Variants in NTRK2 observed in about 807,000 individuals in gnomAD.
NTRK2 encodes neurotrophic receptor tyrosine kinase 2.
NTRK2 carries 13 observed loss-of-function variants against 94.5 expected under a neutral mutation model. That is an observed-to-expected ratio of 0.14 (90% CI 0.09 to 0.22). The LOEUF (loss-of-function observed/expected upper bound fraction) is 0.22. Ranked by LOEUF, NTRK2 falls within the 10% of genes least tolerant of loss-of-function variation. NTRK2 has a pLI of 1.00. For missense variants in NTRK2, 639 were observed against 1,071.2 expected (o/e 0.60, Z 5.63); for synonymous variants, 372 against 407.4 (o/e 0.91, Z 1.05).
chr9:84,885,816 G>A (rs890961235), intron 14 of NTRK2, among the ~76,000 whole-genome samples: 7 of 152,058 alleles, frequency 4.6e-5, no homozygotes, highest in Non-Finnish European at 7.4e-5. Flanking sequence ...TTATGAGGTC[G>A]AGGTCAGGAG....
At position 84,992,292 on chromosome 9, in the gene NTRK2, A is replaced by G. The variant is rs151290849; in HGVS notation, c.2173-27914A>G. ...CAGATGTGACTACTTACATGGCCCAATGGAATCTGTTCTCCCCAGAAAATC... is the reference window on the plus strand; with the variant it reads ...CAGATGTGACTACTTACATGGCCCAGTGGAATCTGTTCTCCCCAGAAAATC... On this transcript the variant is annotated intron_variant, in intron 17 of 18. Coordinates refer to ENST00000277120, the MANE Select transcript of NTRK2 (RefSeq NM_006180.6). 2.9e-3 allele frequency among the ~76,000 whole-genome samples: 448 copies of G among 152,074 alleles called. 2 individuals carry two copies. Among genetic ancestry groups the G allele is most frequent in the African/African-American group, 9.6e-3 (400 of 41,472 alleles).
chr9:84,932,943 G>A (rs2078089073), intron 14 of NTRK2, among the ~76,000 whole-genome samples: 1 of 152,192 alleles, frequency 6.6e-6, no homozygotes, highest in South Asian at 2.1e-4. Context: ...ACTTTGTGAA[G>A]TAGAAGAAAA....
At chr9:84,813,026 A>G (rs1276088749) in intron 12 of NTRK2, 1 of 1,036,144 alleles carries the variant, frequency 9.7e-7, no homozygotes, top group South Asian at 4.6e-5. Context: ...ACCCCTTTTC[A>G]TCATTTTGCT....
rs1009355465 is a variant in NTRK2 at position 85,021,812 on chromosome 9, T to C, written c.*375T>C. On this transcript the variant is annotated 3_prime_UTR_variant, in exon 19 of 19. Coordinates refer to ENST00000277120, the MANE Select transcript of NTRK2 (RefSeq NM_006180.6). The stretch of plus-strand genomic sequence containing the variant: ...AGACAAAGGCCTTAACAAACGTAAT[T>C]TGTTATATCAGCAGACACTCCAGTT... 3.1e-6 allele frequency: 1 copy of C among 319,980 alleles called. No homozygotes were observed. Among genetic ancestry groups the C allele is most frequent in the Non-Finnish European group, 5.8e-6 (1 of 171,394 alleles). The allele number at this position is 319,980 out of a possible 1,614,324, so 19.8% of individuals were successfully genotyped here. A position where few individuals can be genotyped will look rare whatever the true frequency, so the allele number is the denominator to read the frequency against.
chr9:84,939,874 G>A (rs2078346142), intron 15 of NTRK2, among the ~76,000 whole-genome samples: 1 of 151,776 alleles, frequency 6.6e-6, no homozygotes, highest in South Asian at 2.1e-4. Context: ...CCTCTGTATT[G>A]GCTTAATTCT....
At chr9:84,767,245 A>G (rs866393970) in intron 12 of NTRK2, among the ~76,000 whole-genome samples, 2 of 152,338 alleles carry the variant, frequency 1.3e-5, no homozygotes, top group South Asian at 4.1e-4. Flanking sequence ...ATGACACTGA[A>G]AACTCAGCTG....
At chr9:85,001,077 A>G (rs1402183046) in intron 17 of NTRK2, among the ~76,000 whole-genome samples, 2 of 152,168 alleles carry the variant, frequency 1.3e-5, no homozygotes, top group East Asian at 3.8e-4. Context: ...TTATGAAACA[A>G]TTGAGTCTAG....
intron 2 of NTRK2, among the ~76,000 whole-genome samples, chr9:84,700,403 A>T (rs73482758): frequency 1.0e-3 from 158 of 152,248 alleles, no homozygotes; most frequent in African/African-American, 3.8e-3. Context: ...GTGTGGTGGG[A>T]GGAGAGAAGG....
chr9:84,808,733 C>G (rs2133511787), intron 12 of NTRK2, among the ~76,000 whole-genome samples: 1 of 152,276 alleles, frequency 6.6e-6, no homozygotes, highest in East Asian at 1.9e-4. Flanking sequence ...GTGATTAAAT[C>G]CATAAATGAT....
intron 12 of NTRK2, among the ~76,000 whole-genome samples, chr9:84,790,910 C>T (rs2133200613): frequency 6.6e-6 from 1 of 152,300 alleles, no homozygotes; most frequent in African/African-American, 2.4e-5. Context: ...AATGTGTTTC[C>T]TCTTCAATTA....
At chr9:84,960,443 A>G (rs1039233719) in intron 17 of NTRK2, among the ~76,000 whole-genome samples, 1 of 152,242 alleles carries the variant, frequency 6.6e-6, no homozygotes, top group Non-Finnish European at 1.5e-5. Flanking sequence ...AGAGTTAACC[A>G]TCATTCCTTG....
intron 12 of NTRK2, among the ~76,000 whole-genome samples, chr9:84,834,993 C>G (rs1425204650): frequency 1.3e-5 from 2 of 152,164 alleles, no homozygotes; most frequent in African/African-American, 4.8e-5. Flanking sequence ...AATTTACATT[C>G]CTGGTAGTGG....
chr9:84,931,296 A>G lies in NTRK2; in HGVS notation c.1634-2866A>G, dbSNP rs575750642. On this transcript the variant is annotated intron_variant, in intron 14 of 18. Coordinates refer to ENST00000277120, the MANE Select transcript of NTRK2 (RefSeq NM_006180.6). Reference sequence around the variant, plus strand: ...GTGGCACACACCTGTAGTCTCAGCTACTCAGGAGGCTGAGGCAGAAGAATT... The same window carrying G: ...GTGGCACACACCTGTAGTCTCAGCTGCTCAGGAGGCTGAGGCAGAAGAATT... Among the ~76,000 whole-genome samples the G allele has an allele frequency of 1.3e-4, 20 of 152,134 alleles. No individual in the cohort carries two copies. The East Asian group carries it at 3.7e-3, about 28-fold the overall frequency.
intron 15 of NTRK2, among the ~76,000 whole-genome samples, chr9:84,938,549 A>G (rs1445787577): frequency 1.3e-5 from 2 of 152,068 alleles, no homozygotes; most frequent in East Asian, 3.8e-4. Flanking sequence ...AAAATTATAT[A>G]TATATATTTC....
intron 12 of NTRK2, among the ~76,000 whole-genome samples, chr9:84,786,464 T>G (rs1439667910): frequency 6.6e-6 from 1 of 152,212 alleles, no homozygotes; most frequent in Non-Finnish European, 1.5e-5. Flanking sequence ...TTTATTTTAA[T>G]TATTCATTTC....
At chr9:84,843,302 C>T (rs571194357) in intron 12 of NTRK2, among the ~76,000 whole-genome samples, 1 of 152,242 alleles carries the variant, frequency 6.6e-6, no homozygotes, top group East Asian at 1.9e-4. Context: ...AGGCATGCGA[C>T]CTGTGTTTCT....
intron 12 of NTRK2, among the ~76,000 whole-genome samples, chr9:84,841,510 G>A (rs1394115683): frequency 6.6e-6 from 1 of 152,092 alleles, no homozygotes; most frequent in Non-Finnish European, 1.5e-5. Flanking sequence ...GGCCACATTG[G>A]CCAGAGTGCA....
Position 85,024,344 on chromosome 9 carries a change from T to C in NTRK2, c.*2907T>C. On this transcript the variant is annotated 3_prime_UTR_variant, in exon 19 of 19. Transcript: ENST00000277120. ...TCACCAAATACGGCCTTCCATCAAA[T>C]TTGTGAAAACTACAACAGTATAACA... 1 of 233,002 alleles carries C rather than the reference T, an allele frequency of 4.3e-6. No individual in the cohort carries two copies. Among genetic ancestry groups the C allele is most frequent in the African/African-American group, 2.2e-5 (1 of 45,340 alleles). The allele number at this position is 233,002 out of a possible 1,614,324, so 14.4% of individuals were successfully genotyped here. A position where few individuals can be genotyped will look rare whatever the true frequency, so the allele number is the denominator to read the frequency against.
At chr9:84,927,124 T>C (rs1299667905) in intron 14 of NTRK2, among the ~76,000 whole-genome samples, 1 of 152,246 alleles carries the variant, frequency 6.6e-6, no homozygotes, top group Non-Finnish European at 1.5e-5. Flanking sequence ...TGTTTTTATT[T>C]ATGAGTAGCC....
Sources: allele counts gnomAD v4.1 joint callset (sites outside exome capture counted in the v4.1 genomes callset), GRCh38; gene constraint gnomAD v4.1.1; transcripts MANE v1.5; gene names NCBI Gene and HGNC (gene_info 2026-07-23, HGNC 2026-07-21).